Variants in RIMKLB observed in about 807,000 individuals in gnomAD.
The protein encoded by RIMKLB is beta-citrylglutamate synthase B.
Under a neutral mutation model 32.0 loss-of-function variants are expected in RIMKLB, and 7 were observed. The ratio of observed to expected loss-of-function variants is 0.22; its 90% CI spans 0.12 to 0.41. The LOEUF is 0.41. RIMKLB is among the 10% of genes least tolerant of loss of function. The pLI, the probability that RIMKLB is intolerant of heterozygous loss-of-function variation, is 1.00. For synonymous variants in RIMKLB, 172 were observed against 185.1 expected (o/e 0.93, Z 0.57); for missense variants, 289 against 498.7 (o/e 0.58, Z 4.00).
At chr12:8,703,293 AAAAAG>A (rs1051267372) in intron 1 of RIMKLB, among the ~76,000 whole-genome samples, 4 of 151,992 alleles carry the variant, frequency 2.6e-5, no homozygotes, top group South Asian at 2.1e-4. Flanking sequence ...CAAAAAAAAG[AAAAAG>A]AAAAGAAAAA....
At chr12:8,679,959 G>A (rs866205811), upstream of RIMKLB, among the ~76,000 whole-genome samples, 1 of 152,118 alleles carries the variant, frequency 6.6e-6, no homozygotes, top group African/African-American at 2.4e-5. Context: ...ACAAAATACA[G>A]GTCATAAAGA....
At chr12:8,703,232 C>G (rs1208200961) in intron 1 of RIMKLB, among the ~76,000 whole-genome samples, 5 of 151,784 alleles carry the variant, frequency 3.3e-5, no homozygotes, top group African/African-American at 1.2e-4. Flanking sequence ...TGCAGGGAGC[C>G]AAGATCGCAC....
chr12:8,725,318 C>T (rs779913508), intron 2 of RIMKLB, among the ~76,000 whole-genome samples: 1 of 152,102 alleles, frequency 6.6e-6, no homozygotes, highest in Non-Finnish European at 1.5e-5. Flanking sequence ...TGCTCTGTTG[C>T]CCATGCTGGA....
At chr12:8,715,497 T>G (rs1453294861) in intron 2 of RIMKLB, among the ~76,000 whole-genome samples, 1 of 152,216 alleles carries the variant, frequency 6.6e-6, no homozygotes, top group Non-Finnish European at 1.5e-5. Flanking sequence ...GTGCTGAGAT[T>G]ACAGGCATGA....
At chr12:8,767,908 C>T (rs998161545) in intron 5 of RIMKLB, among the ~76,000 whole-genome samples, 1 of 152,176 alleles carries the variant, frequency 6.6e-6, no homozygotes, top group African/African-American at 2.4e-5. Context: ...GAATAGCAAG[C>T]CAAAGTGGTT....
intron 5 of RIMKLB, among the ~76,000 whole-genome samples, chr12:8,763,522 T>C (rs1054631994): frequency 6.6e-6 from 1 of 152,248 alleles, no homozygotes; most frequent in African/African-American, 2.4e-5. Context: ...TTAGTTGCTT[T>C]AGGGTTTTGG....
chr12:8,704,636 G>A (rs1409893248), intron 1 of RIMKLB, among the ~76,000 whole-genome samples: 2 of 152,144 alleles, frequency 1.3e-5, no homozygotes, highest in Admixed American at 1.3e-4. Context: ...TAGCACGTCT[G>A]TTAAGTGTTC....
upstream of RIMKLB, chr12:8,697,968 TGTGA>T: frequency 6.5e-6 from 1 of 153,306 alleles, no homozygotes; most frequent in Middle Eastern, 3.3e-3. Context: ...GCGCGCTGTG[TGTGA>T]GCGGGGTCGC....
At position 8,767,599 on chromosome 12, in the gene RIMKLB, G is replaced by A. The variant is rs895504909; in HGVS notation, c.698-5722G>A. 2.0e-5 allele frequency among the ~76,000 whole-genome samples: 3 copies of A among 152,172 alleles called. No homozygotes were observed. In the South Asian group the frequency reaches 6.2e-4, roughly 32 times the overall value. ...GTCAGAAGGAAAAGTAGGGGTGTAC[G>A]CATGGGCATCTGTTGAGTAGAGACT... On this transcript the variant is annotated intron_variant, in intron 5 of 5. Coordinates refer to ENST00000535829, the MANE Select transcript of RIMKLB (RefSeq NM_001297776.2).
chr12:8,750,317 T>A (rs774639419), intron 3 of RIMKLB, among the ~76,000 whole-genome samples: 1 of 152,326 alleles, frequency 6.6e-6, no homozygotes, highest in African/African-American at 2.4e-5. Context: ...TTTTAGGTTT[T>A]ATAAGCCATT....
In RIMKLB at chr12:8,698,100, CTG is replaced by C. The variant is rs1943007418; in HGVS notation, c.-253_-252del. On this transcript the variant is annotated 5_prime_UTR_variant, in exon 1 of 6. Coordinates refer to ENST00000535829, the MANE Select transcript of RIMKLB (RefSeq NM_001297776.2). ...TGACGGGACGCGAGGCTGTGAGAAACTGGGCGAGTGTGCGAGGACGCCCGGCC... is the reference window on the plus strand; with the variant it reads ...TGACGGGACGCGAGGCTGTGAGAAACGGCGAGTGTGCGAGGACGCCCGGCC... 3.7e-6 allele frequency: 1 copy of C among 269,732 alleles called. No individual in the cohort carries two copies. Among genetic ancestry groups the C allele is most frequent in the Non-Finnish European group, 7.6e-6 (1 of 132,346 alleles). 16.7% of individuals were successfully genotyped at this position (269,732 alleles called of 1,614,324 possible).
chr12:8,722,144 C>G (rs1202822510), intron 2 of RIMKLB, among the ~76,000 whole-genome samples: 2 of 151,750 alleles, frequency 1.3e-5, no homozygotes, highest in African/African-American at 4.8e-5. Context: ...GCAGCTATAG[C>G]CTTATGAAAT....
chr12:8,679,329 C>A (rs954169296), upstream of RIMKLB, among the ~76,000 whole-genome samples: 3 of 151,922 alleles, frequency 2.0e-5, no homozygotes, highest in Non-Finnish European at 2.9e-5. Context: ...ATTACAGGCA[C>A]CCGCCACCAC....
chr12:8,711,879 T>C (rs764362550), intron 1 of RIMKLB, among the ~76,000 whole-genome samples: 2 of 152,292 alleles, frequency 1.3e-5, no homozygotes, highest in African/African-American at 2.4e-5. Flanking sequence ...AGGGACACAC[T>C]GTGGCCTTCC....
downstream of RIMKLB, chr12:8,780,516 T>C (rs912182516): frequency 6.6e-6 from 1 of 152,208 alleles, no homozygotes; most frequent in Non-Finnish European, 1.5e-5. Flanking sequence ...CAAAGGAATT[T>C]TTTCTTATTT....
intron 2 of RIMKLB, among the ~76,000 whole-genome samples, chr12:8,732,945 C>T (rs1009100519): frequency 1.3e-5 from 2 of 152,238 alleles, no homozygotes; most frequent in East Asian, 3.9e-4. Flanking sequence ...CATAGGTCTT[C>T]TTATTGGTGG....
At chr12:8,750,265 A>G (rs969241272) in intron 3 of RIMKLB, among the ~76,000 whole-genome samples, 173 bp downstream of exon 3, 2 of 152,224 alleles carry the variant, frequency 1.3e-5, no homozygotes, top group African/African-American at 2.4e-5. Flanking sequence ...GGGGGAAAAT[A>G]GGGTTAGAAA....
intron 5 of RIMKLB, among the ~76,000 whole-genome samples, chr12:8,755,251 C>G (rs1948924636): frequency 6.6e-6 from 1 of 151,480 alleles, no homozygotes; most frequent in Admixed American, 6.6e-5. Context: ...ACACCCAGCG[C>G]CGGGCTAATT....
rs754781168 is a variant in RIMKLB at position 8,718,507 on chromosome 12, G to A, written c.175+4466G>A. 6.5e-4 allele frequency among the ~76,000 whole-genome samples: 99 copies of A among 152,276 alleles called. 1 individual carries two copies. The highest frequency in any genetic ancestry group is 1.0e-3 in the Admixed American group (16 of 15,298). Reference sequence around the variant, plus strand: ...AAAATACAAAAATTAGCTGGGCCTGGTGGCATGCGCCTGTAGTCCCAGCTA... The same window carrying A: ...AAAATACAAAAATTAGCTGGGCCTGATGGCATGCGCCTGTAGTCCCAGCTA... On this transcript the variant is annotated intron_variant, in intron 2 of 5. Transcript: ENST00000535829.
Sources: gnomAD v4.1 joint callset for allele counts (sites outside exome capture counted in the v4.1 genomes callset) on GRCh38, gnomAD v4.1.1 for gene constraint, MANE v1.5 for transcripts, NCBI Gene and HGNC (gene_info 2026-07-23, HGNC 2026-07-21) for gene names.